The following CA13 variants were observed in gnomAD, a reference collection of about 807,000 sequenced individuals.
The protein encoded by CA13 is CA-XIII.
Under a neutral mutation model 31.5 loss-of-function variants are expected in CA13, and 21 were observed. The observed-to-expected ratio is 0.67, with a 90% confidence interval of 0.47 to 0.96. The LOEUF (loss-of-function observed/expected upper bound fraction) is 0.96, where lower values mean the gene tolerates loss of function less well. Ranked by LOEUF, CA13 falls within the 40% of genes least tolerant of loss-of-function variation. The pLI is 0.00. For synonymous variants in CA13, 117 were observed against 111.4 expected (o/e 1.05, Z -0.32); for missense variants, 315 against 318.9 (o/e 0.99, Z 0.09).
At chr8:85,281,179 A>G in intron 6 of CA13, 51 bp from the exon 7 acceptor site, 1 of 1,593,560 alleles carries the variant, frequency 6.3e-7, no homozygotes, top group Non-Finnish European at 8.6e-7. Flanking sequence ...GTAATTCATT[A>G]ATATTGGTGG....
At chr8:85,269,410 C>T (rs1044851576) in intron 6 of CA13, among the ~76,000 whole-genome samples, 3 of 152,026 alleles carry the variant, frequency 2.0e-5, no homozygotes, top group African/African-American at 7.3e-5. Context: ...AGGATCATGC[C>T]GCTGCATTCC....
intron 5 of CA13, 84 bp from the exon 6 acceptor site, chr8:85,268,388 A>G: frequency 8.9e-7 from 1 of 1,129,608 alleles, no homozygotes; most frequent in Non-Finnish European, 1.3e-6. Context: ...TGGAATTATA[A>G]TGGAAGTACA....
intron 3 of CA13, among the ~76,000 whole-genome samples, chr8:85,265,949 G>A (rs1295180789): frequency 2.0e-5 from 3 of 152,170 alleles, no homozygotes; most frequent in Non-Finnish European, 2.9e-5. Flanking sequence ...TTTAGAAACA[G>A]CCTCACTGTC....
intron 6 of CA13, among the ~76,000 whole-genome samples, chr8:85,270,518 T>TA (rs1487799756): frequency 6.6e-6 from 1 of 152,248 alleles, no homozygotes; most frequent in African/African-American, 2.4e-5. Flanking sequence ...AATGACCTGT[T>TA]ACTGATTCAG....
Position 85,278,792 on chromosome 8 carries a change from G to A in CA13, c.670-2438G>A, listed in dbSNP as rs1378483315. Among the ~76,000 whole-genome samples the A allele has an allele frequency of 2.0e-5, 3 of 152,092 alleles. No homozygotes were observed. The East Asian group carries it at 5.8e-4, about 29-fold the overall frequency. ...AATAAAAAGTAAATTAAAAGGATAG[G>A]GGAAAATAAGTAAACAGAAAACAAG... On this transcript the variant is annotated intron_variant, in intron 6 of 6. Coordinates refer to ENST00000321764, the MANE Select transcript of CA13 (RefSeq NM_198584.3).
At position 85,245,780 on chromosome 8, in the gene CA13, T is replaced by C. The variant is rs1245681915; in HGVS notation, c.-49T>C. ...CCGGGCCCCTCCCCGCTCCCTCCTC[T>C]TTCTCGCTGCTCAGTCACATCTTTC... On this transcript the variant is annotated 5_prime_UTR_variant, in exon 1 of 7. Coordinates refer to ENST00000321764, the MANE Select transcript of CA13 (RefSeq NM_198584.3). 1 of 1,608,658 alleles carries C rather than the reference T, an allele frequency of 6.2e-7. No homozygotes were observed. Among genetic ancestry groups the C allele is most frequent in the Non-Finnish European group, 8.5e-7 (1 of 1,175,406 alleles).
chr8:85,278,478 A>AGTGGACAAGGGGC (rs1392229285), intron 6 of CA13, among the ~76,000 whole-genome samples: 2 of 152,268 alleles, frequency 1.3e-5, no homozygotes, highest in South Asian at 4.1e-4. Flanking sequence ...GTTAGAACTG[A>AGTGGACAAGGGGC]GTGGACAAGG....
intron 3 of CA13, among the ~76,000 whole-genome samples, chr8:85,265,544 C>G (rs924683025): frequency 2.6e-5 from 4 of 151,974 alleles, no homozygotes; most frequent in Non-Finnish European, 4.4e-5. Context: ...CCCCCCACCT[C>G]CTTCCCTTCC....
rs1807346659 is a variant in CA13, at chr8:85,259,406, C to T, written c.236-15C>T. ...TTTTTTCCTTGCTAACAATATAAAA[C>T]ATGTTGTTGTTTAGTTCTGCGTGGT... On this transcript the variant is annotated splice_polypyrimidine_tract_variant and intron_variant, in intron 2 of 6. Transcript: ENST00000321764. 1 of 1,592,868 alleles carries T rather than the reference C, an allele frequency of 6.3e-7. No individual in the cohort carries two copies. Among genetic ancestry groups the T allele is most frequent in the Non-Finnish European group, 8.6e-7 (1 of 1,161,086 alleles).
At chr8:85,261,022 C>T (rs76054482) in intron 3 of CA13, among the ~76,000 whole-genome samples, 4 of 152,274 alleles carry the variant, frequency 2.6e-5, no homozygotes, top group Non-Finnish European at 4.4e-5. Context: ...TGACATATGT[C>T]AGAGGCTCAG....
intron 4 of CA13, chr8:85,267,370 T>A: frequency 1.3e-6 from 1 of 770,782 alleles, no homozygotes; most frequent in Non-Finnish European, 1.6e-6. Context: ...TAGATTCAGA[T>A]CACCTGTAAT....
At chr8:85,255,263 A>AT (rs111718621) in intron 2 of CA13, among the ~76,000 whole-genome samples, 3,856 of 139,774 alleles carry the variant, frequency 0.028, 156 homozygotes, top group African/African-American at 0.091. Flanking sequence ...TAGCTCATGA[A>AT]TTTTTTTTTT....
intron 2 of CA13, among the ~76,000 whole-genome samples, chr8:85,255,796 A>G (rs764453608): frequency 6.6e-6 from 1 of 152,178 alleles, no homozygotes; most frequent in Non-Finnish European, 1.5e-5. Flanking sequence ...CTGGACTCAA[A>G]CAGTATCTCG....
chr8:85,250,677 A>T, intron 1 of CA13, 63 bp from the exon 2 acceptor site: 1 of 1,033,418 alleles, frequency 9.7e-7, no homozygotes, highest in Non-Finnish European at 1.5e-6. Context: ...TGTTATACTC[A>T]ATGTATGTTT....
intron 3 of CA13, among the ~76,000 whole-genome samples, chr8:85,260,505 C>T (rs572951619): frequency 6.6e-6 from 1 of 152,276 alleles, no homozygotes; most frequent in African/African-American, 2.4e-5. Context: ...ACAATCAGAA[C>T]TTTTTTCCAG....
At chr8:85,250,963 T>C in intron 2 of CA13, 26 bp downstream of exon 2, 2 of 1,555,722 alleles carry the variant, frequency 1.3e-6, no homozygotes, top group Non-Finnish European at 1.8e-6. Flanking sequence ...TTTGTGTGTG[T>C]GGTGGTGGAT....
intron 2 of CA13, among the ~76,000 whole-genome samples, chr8:85,254,860 A>G (rs922972486): frequency 6.6e-6 from 1 of 150,998 alleles, no homozygotes; most frequent in African/African-American, 2.4e-5. Context: ...AACCACATTA[A>G]TTTGAATAAA....
At chr8:85,259,812 C>G (rs1261131569) in intron 3 of CA13, among the ~76,000 whole-genome samples, 2 of 152,082 alleles carry the variant, frequency 1.3e-5, no homozygotes, top group African/African-American at 4.8e-5. Context: ...GTAATTTATC[C>G]AGCTAGGAAG....
Position 85,283,018 on chromosome 8 carries a change from G to A in CA13, c.*1669G>A, listed in dbSNP as rs1157434109. ...TGGCTCACTGCAACCTCCATCTCCC[G>A]GGTTCAAATGATTCTCCTGCCTCAG... On this transcript the variant is annotated 3_prime_UTR_variant, in exon 7 of 7. Coordinates refer to ENST00000321764, the MANE Select transcript of CA13 (RefSeq NM_198584.3). 2 of 151,804 alleles carry A rather than the reference G, an allele frequency of 1.3e-5. No homozygotes were observed. The highest frequency in any genetic ancestry group is 4.8e-5 in the African/African-American group (2 of 41,292). The allele number at this position is 151,804 out of a possible 1,614,324, so 9.4% of individuals were successfully genotyped here. A position where few individuals can be genotyped will look rare whatever the true frequency, so the allele number is the denominator to read the frequency against.
Sources: gnomAD v4.1 joint callset for allele counts (sites outside exome capture counted in the v4.1 genomes callset) on GRCh38, gnomAD v4.1.1 for gene constraint, MANE v1.5 for transcripts, NCBI Gene and HGNC (gene_info 2026-07-23, HGNC 2026-07-21) for gene names.